Variants in NRG2 observed in about 807,000 individuals in gnomAD.
The protein encoded by NRG2 is pro-neuregulin-2, membrane-bound isoform.
NRG2 carries 27 observed loss-of-function variants against 73.9 expected under a neutral mutation model. The ratio of observed to expected loss-of-function variants is 0.37; its 90% confidence interval spans 0.27 to 0.50. NRG2 has a LOEUF of 0.50. Ranked by LOEUF, NRG2 falls within the 20% of genes least tolerant of loss-of-function variation. NRG2 has a pLI of 0.96. For synonymous variants in NRG2, 532 were observed against 541.0 expected (o/e 0.98, Z 0.23); for missense variants, 1,126 against 1,210.1 (o/e 0.93, Z 1.03).
intron 1 of NRG2, among the ~76,000 whole-genome samples, chr5:140,022,251 C>T (rs1760297590): frequency 6.6e-6 from 1 of 152,190 alleles, no homozygotes; most frequent in South Asian, 2.1e-4. Context: ...CTACCCACTA[C>T]CAAAATCCAA....
At chr5:139,981,907 C>A (rs1308862973) in intron 1 of NRG2, among the ~76,000 whole-genome samples, 2 of 152,100 alleles carry the variant, frequency 1.3e-5, no homozygotes, top group Non-Finnish European at 2.9e-5. Context: ...GGAGAGGAGG[C>A]ATGGGAAGAA....
intron 1 of NRG2, among the ~76,000 whole-genome samples, chr5:140,029,097 C>T (rs187244381): frequency 1.3e-5 from 2 of 152,330 alleles, no homozygotes; most frequent in East Asian, 3.9e-4. Context: ...AGATACTAAA[C>T]CTCCTAGCTG....
At position 140,042,724 on chromosome 5, in the gene NRG2, T is replaced by C; in HGVS notation, c.346A>G (p.Ser116Gly). Residue 116 changes from serine to glycine, a missense_variant, in exon 1 of 10, where the codon AGC becomes GGC. By Grantham distance (56) the Ser-to-Gly change is moderately conservative. Coordinates refer to ENST00000361474, the MANE Select transcript of NRG2 (RefSeq NM_004883.3). ...FGVSLACYSP[S>G]LKSVQDQAYK... Reference sequence around the variant, plus strand: ...GCCTGGTCCTGCACTGACTTGAGGCTGGGCGAGTAGCAGGCGAGCGACACA... The same window carrying C: ...GCCTGGTCCTGCACTGACTTGAGGCCGGGCGAGTAGCAGGCGAGCGACACA... The C allele has an allele frequency of 6.4e-7, 1 of 1,568,774 alleles. No homozygotes were observed. The highest frequency in any genetic ancestry group is 8.6e-7 in the Non-Finnish European group (1 of 1,157,716).
At chr5:140,029,687 C>CA (rs34122778) in intron 1 of NRG2, among the ~76,000 whole-genome samples, 1,999 of 61,148 alleles carry the variant, frequency 0.033, 157 homozygotes, top group African/African-American at 0.093. Flanking sequence ...GACTCTGTCT[C>CA]AAAAAAAAAA....
chr5:139,880,797 C>A, intron 3 of NRG2, 59 bp downstream of exon 3: 1 of 1,346,994 alleles, frequency 7.4e-7, no homozygotes. Context: ...GGCTGGGGGG[C>A]CACTGGCCCG....
rs896415779 is a variant in NRG2, at chr5:139,852,784, T to C, written c.1416+120A>G. 18 of 1,528,952 alleles carry C rather than the reference T, an allele frequency of 1.2e-5. No individual in the cohort carries two copies. In the South Asian group the frequency reaches 1.8e-4, roughly 15 times the overall value. 94.7% of individuals were successfully genotyped at this position (1,528,952 alleles called of 1,614,324 possible). On this transcript the variant is annotated intron_variant, in intron 7 of 9. Coordinates refer to ENST00000361474, the MANE Select transcript of NRG2 (RefSeq NM_004883.3). The surrounding 1 kb of genome is among the most constrained non-coding windows in gnomAD (Gnocchi z 4.4). The stretch of plus-strand genomic sequence containing the variant: ...CCAGCCATCCTGGTGAGGCAGTGCC[T>C]AGCAGGCAAGGCTGGCCATGGGATA...
Position 139,852,754 on chromosome 5 carries a change from C to T in NRG2, c.1416+150G>A. ...CCCTTCCTCATGGAAGTGAGCAAAC[C>T]AAGGCCAGCCATCCTGGTGAGGCAG... On this transcript the variant is annotated intron_variant, in intron 7 of 9. Transcript: ENST00000361474. This position sits in a 1 kb window ranked among gnomAD's most constrained non-coding sequence, Gnocchi z 4.4. 6.9e-7 allele frequency: 1 copy of T among 1,457,168 alleles called. No individual in the cohort carries two copies. Among genetic ancestry groups the T allele is most frequent in the Non-Finnish European group, 9.3e-7 (1 of 1,073,492 alleles). 90.3% of individuals were successfully genotyped at this position (1,457,168 alleles called of 1,614,324 possible). A position where few individuals can be genotyped will look rare whatever the true frequency, so the allele number is the denominator to read the frequency against.
chr5:139,939,822 A>G (rs943946588), intron 1 of NRG2, among the ~76,000 whole-genome samples: 7 of 152,218 alleles, frequency 4.6e-5, no homozygotes, highest in African/African-American at 1.7e-4. Context: ...AAAAAATTGA[A>G]CAGACACTTG....
chr5:139,919,050 G>T (rs1461096895), intron 1 of NRG2, among the ~76,000 whole-genome samples: 1 of 152,194 alleles, frequency 6.6e-6, no homozygotes, highest in Non-Finnish European at 1.5e-5. Flanking sequence ...ATGCCTGACT[G>T]CAGAAGTGAG....
chr5:139,921,777 C>T (rs535978807), intron 1 of NRG2, among the ~76,000 whole-genome samples: 1 of 152,184 alleles, frequency 6.6e-6, no homozygotes, highest in African/African-American at 2.4e-5. Context: ...AAATTAAAAA[C>T]TTGGCCAGGC....
intron 1 of NRG2, among the ~76,000 whole-genome samples, chr5:139,888,680 G>T (rs4912651): frequency 6.6e-6 from 1 of 152,088 alleles, no homozygotes; most frequent in Non-Finnish European, 1.5e-5. Context: ...CTGCATATAC[G>T]CAGGGAGTAG....
intron 1 of NRG2, among the ~76,000 whole-genome samples, chr5:139,963,140 A>G (rs1755211309): frequency 1.3e-5 from 2 of 152,246 alleles, no homozygotes; most frequent in Non-Finnish European, 2.9e-5. Flanking sequence ...CAAAGAGACA[A>G]ATGGTTTCCA....
In NRG2 at chr5:139,928,177, A is replaced by T. The variant is rs149073512; in HGVS notation, c.701-40666T>A. Among the ~76,000 whole-genome samples the T allele has an allele frequency of 3.8e-4, 58 of 152,284 alleles. No homozygotes were observed. In the East Asian group the frequency reaches 0.011, roughly 29 times the overall value. On this transcript the variant is annotated intron_variant, in intron 1 of 9. Coordinates refer to ENST00000361474, the MANE Select transcript of NRG2 (RefSeq NM_004883.3). ...TAGAATCAGAGCTGCCATTGTGACA[A>T]CGAGAACAAGTGAGCATGAATGCCC...
rs751946471 is a variant in NRG2 at position 139,887,379 on chromosome 5, T to A, written c.833A>T (p.Asn278Ile). ...TTTGATGCGAATGTCTCGGCTGCGG[T>A]TGAGCTCCTTGCCATCCTTGAACCA... ...YRWFKDGKEL[N>I]RSRDIRIKYG... is the part of the protein sequence containing the mutation. The change falls in exon 2 of 10, where the codon AAC becomes ATC. Residue 278 changes from asparagine to isoleucine, a missense_variant. Asn to Ile is a moderately radical substitution (Grantham distance 149). Coordinates refer to ENST00000361474, the MANE Select transcript of NRG2 (RefSeq NM_004883.3). The surrounding 1 kb of genome is among the most constrained non-coding windows in gnomAD (Gnocchi z 4.5). The A allele has an allele frequency of 1.1e-5, 18 of 1,614,094 alleles. No individual in the cohort carries two copies.
chr5:139,978,688 G>A (rs1165302386), intron 1 of NRG2, among the ~76,000 whole-genome samples: 1 of 152,142 alleles, frequency 6.6e-6, no homozygotes, highest in Non-Finnish European at 1.5e-5. Flanking sequence ...ACATGCACAT[G>A]TATGTTTATT....
intron 2 of NRG2, among the ~76,000 whole-genome samples, chr5:139,885,126 C>A (rs1763779917): frequency 6.6e-6 from 1 of 152,028 alleles, no homozygotes; most frequent in South Asian, 2.1e-4. Context: ...GGGTCTGGAG[C>A]TCAGGTAAAA....
At chr5:139,885,318 C>T (rs1177174541) in intron 2 of NRG2, among the ~76,000 whole-genome samples, 1 of 152,220 alleles carries the variant, frequency 6.6e-6, no homozygotes, top group Non-Finnish European at 1.5e-5. Context: ...CTAGGAGGAG[C>T]ACCACAGGGC....
chr5:140,005,635 C>T (rs1019024418), intron 1 of NRG2, among the ~76,000 whole-genome samples: 9 of 152,290 alleles, frequency 5.9e-5, no homozygotes, highest in Non-Finnish European at 8.8e-5. Flanking sequence ...TCTGCAGGGC[C>T]GTCAAAATCA....
intron 1 of NRG2, among the ~76,000 whole-genome samples, chr5:139,973,952 G>A (rs1448346279): frequency 6.6e-6 from 1 of 152,122 alleles, no homozygotes; most frequent in Non-Finnish European, 1.5e-5. Flanking sequence ...AGAATCTTTA[G>A]TTTTGTTGCT....
Sources: gnomAD v4.1 joint callset for allele counts (sites outside exome capture counted in the v4.1 genomes callset) on GRCh38, gnomAD v4.1.1 for gene constraint, Gnocchi (gnomAD v3.1) non-coding constraint, MANE v1.5 for transcripts, NCBI Gene and HGNC (gene_info 2026-07-23, HGNC 2026-07-21) for gene names.